The following DNMT3A variants were observed in gnomAD, a reference collection of about 807,000 sequenced individuals.
DNMT3A encodes the protein DNA methyltransferase 3 alpha.
A neutral mutation model predicts 117.6 loss-of-function variants in DNMT3A; 267 were observed. The observed-to-expected ratio is 2.27, with a 90% CI of 2.05 to 2.51. DNMT3A has a LOEUF of 2.51. Among genes scored for constraint, DNMT3A ranks in the 30% most tolerant of loss-of-function variants. The pLI is 0.00. For missense variants in DNMT3A, 1,029 were observed against 1,260.2 expected, an observed-to-expected ratio of 0.82 and a Z score of 2.78; for synonymous variants, 432 against 474.8, an observed-to-expected ratio of 0.91 and a Z score of 1.17.
chr2:25,307,211 T>C lies in DNMT3A; in HGVS notation c.72+6702A>G, dbSNP rs76252369. Among the ~76,000 whole-genome samples, 1,301 of 152,360 alleles carry C rather than the reference T, an allele frequency of 8.5e-3. 24 individuals are homozygous for C. The highest frequency in any genetic ancestry group is 0.03 in the African/African-American group (1,235 of 41,578). ...TACAAGGAATATCCCTAATGCCCTG[T>C]GGCTCTCTGCAGAGGCAGCTGCAGG... On this transcript the variant is annotated intron_variant, in intron 2 of 22. Transcript: ENST00000321117.
rs764270325 is a variant in DNMT3A, at chr2:25,244,340, T to A, written c.1668-2A>T. 1.3e-6 allele frequency: 2 copies of A among 1,599,834 alleles called. No individual in the cohort carries two copies. The highest frequency in any genetic ancestry group is 2.3e-5 in the East Asian group (1 of 44,118). On this transcript the variant is annotated splice_acceptor_variant, in intron 14 of 22. Transcript: ENST00000321117. LOFTEE classifies it high-confidence loss of function. The stretch of plus-strand genomic sequence containing the variant: ...TCCACACACTCCACGCAAAAGCACC[T>A]GGAAGGAGACCCAGTGAGCAGAGGA...
At chr2:25,263,698 T>C (rs1016557698) in intron 6 of DNMT3A, among the ~76,000 whole-genome samples, 1 of 152,110 alleles carries the variant, frequency 6.6e-6, no homozygotes, top group Non-Finnish European at 1.5e-5. Context: ...GTCAGCCCCA[T>C]AGACAGTGCT....
At chr2:25,277,328 C>T (rs1311119763) in intron 4 of DNMT3A, among the ~76,000 whole-genome samples, 1 of 152,210 alleles carries the variant, frequency 6.6e-6, no homozygotes, top group Middle Eastern at 3.2e-3. Flanking sequence ...CGGGGCCTCC[C>T]CGTTCCCAGG....
intron 2 of DNMT3A, among the ~76,000 whole-genome samples, chr2:25,310,421 G>A (rs528486010): frequency 4.7e-4 from 72 of 151,708 alleles, no homozygotes; most frequent in African/African-American, 1.7e-3. Context: ...AGCTCGGCCT[G>A]CCTCCTCCCC....
Position 25,231,469 on chromosome 2 carries a change from G to C in DNMT3A, c.*2810C>G, listed in dbSNP as rs1182282653. ...AGCACCCCAAAAAGGGGTGAGACCG[G>C]CCACCAGCTGTGTGAATTTACTCCT... is the stretch of plus-strand genomic sequence containing the variant. On this transcript the variant is annotated 3_prime_UTR_variant, in exon 23 of 23. Coordinates refer to ENST00000321117, the MANE Select transcript of DNMT3A (RefSeq NM_022552.5). 6.6e-6 allele frequency: 1 copy of C among 152,266 alleles called. No individual in the cohort carries two copies. Among genetic ancestry groups the C allele is most frequent in the Non-Finnish European group, 1.5e-5 (1 of 68,074 alleles). The allele number at this position is 152,266 out of a possible 1,614,324, so 9.4% of individuals were successfully genotyped here. A position where few individuals can be genotyped will look rare whatever the true frequency, so the allele number is the denominator to read the frequency against.
intron 1 of DNMT3A, among the ~76,000 whole-genome samples, chr2:25,319,907 T>C (rs2034530776): frequency 6.6e-6 from 1 of 152,070 alleles, no homozygotes; most frequent in African/African-American, 2.4e-5. Context: ...GTAGCTGGGA[T>C]TACAGGCACC....
At chr2:25,300,710 A>AT (rs2033412153) in intron 2 of DNMT3A, among the ~76,000 whole-genome samples, 4 of 44,284 alleles carry the variant, frequency 9.0e-5, no homozygotes, top group Admixed American at 3.0e-4. Flanking sequence ...TCTAAATAAT[A>AT]TAATATATAT....
At chr2:25,315,158 C>T (rs1369735844) in intron 1 of DNMT3A, among the ~76,000 whole-genome samples, 1 of 152,188 alleles carries the variant, frequency 6.6e-6, no homozygotes, top group Non-Finnish European at 1.5e-5. Flanking sequence ...GTTCCTGGTT[C>T]TGCTTCCCCA....
At chr2:25,253,986 C>T (rs1480206348) in intron 6 of DNMT3A, among the ~76,000 whole-genome samples, 2 of 151,636 alleles carry the variant, frequency 1.3e-5, no homozygotes, top group African/African-American at 2.4e-5. Context: ...GCAAGAGAAT[C>T]GCTTCAACTT....
In DNMT3A at chr2:25,274,923, G is replaced by A; in HGVS notation, c.639+18C>T. ...GTTCTGCAGGACGGGCTGGGGCCCAGGCCAGAAGGCGCCTCACCTCCCTTT... is the reference window on the plus strand; with the variant it reads ...GTTCTGCAGGACGGGCTGGGGCCCAAGCCAGAAGGCGCCTCACCTCCCTTT... On this transcript the variant is annotated intron_variant, in intron 6 of 22. Coordinates refer to ENST00000321117, the MANE Select transcript of DNMT3A (RefSeq NM_022552.5). 6.2e-7 allele frequency: 1 copy of A among 1,601,964 alleles called. No homozygotes were observed. Among genetic ancestry groups the A allele is most frequent in the Non-Finnish European group, 8.5e-7 (1 of 1,171,278 alleles).
chr2:25,277,477 T>C (rs1295413475), intron 4 of DNMT3A, among the ~76,000 whole-genome samples: 1 of 152,018 alleles, frequency 6.6e-6, no homozygotes, highest in African/African-American at 2.4e-5. Flanking sequence ...GCGGCGGGGC[T>C]CCGGGGCTCG....
In DNMT3A at chr2:25,337,431, A is replaced by G. The variant is rs1272492248; in HGVS notation, c.-178+4395T>C. 6.6e-6 allele frequency among the ~76,000 whole-genome samples: 1 copy of G among 152,176 alleles called. No individual in the cohort carries two copies. The highest frequency in any genetic ancestry group is 2.4e-5 in the African/African-American group (1 of 41,436). On this transcript the variant is annotated intron_variant, in intron 1 of 22. Transcript: ENST00000321117. The surrounding 1 kb of genome is among the most constrained non-coding windows in gnomAD (Gnocchi z 5.0). ...GCTGTAACGCACATGATCTCACTCC[A>G]TCCTCACAACCACCTGTAAGCAGAA...
At chr2:25,319,515 C>T (rs1354402629) in intron 1 of DNMT3A, among the ~76,000 whole-genome samples, 2 of 152,112 alleles carry the variant, frequency 1.3e-5, no homozygotes, top group African/African-American at 2.4e-5. Flanking sequence ...AGGAAGATGT[C>T]CTCTAATACG....
intron 6 of DNMT3A, among the ~76,000 whole-genome samples, chr2:25,249,053 A>C (rs1273367903): frequency 2.0e-5 from 3 of 152,134 alleles, no homozygotes; most frequent in African/African-American, 7.2e-5. Context: ...TCCAAATATT[A>C]ATCAGGCACT....
At position 25,246,008 on chromosome 2, in the gene DNMT3A, C is replaced by A. The variant is rs1480865455; in HGVS notation, c.1474+12G>T. On this transcript the variant is annotated intron_variant, in intron 12 of 22. Coordinates refer to ENST00000321117, the MANE Select transcript of DNMT3A (RefSeq NM_022552.5). ...CACTAGGAGTGCCAGAGTTCCCAGG[C>A]AACAAACTTACCCTCAATGTTCCGG... The A allele has an allele frequency of 1.2e-6, 2 of 1,613,770 alleles. No homozygotes were observed. Among genetic ancestry groups the A allele is most frequent in the African/African-American group, 2.7e-5 (2 of 74,948 alleles).
intron 2 of DNMT3A, among the ~76,000 whole-genome samples, chr2:25,308,950 A>G (rs900044600): frequency 2.7e-5 from 4 of 147,228 alleles, no homozygotes; most frequent in Non-Finnish European, 6.0e-5. Flanking sequence ...CGCAGCCCCA[A>G]TGCTGCCCAC....
chr2:25,285,003 C>T (rs1325981722), intron 3 of DNMT3A, among the ~76,000 whole-genome samples: 5 of 152,212 alleles, frequency 3.3e-5, no homozygotes, highest in African/African-American at 9.7e-5. Context: ...GTATGCATGC[C>T]GTTCCCTGAT....
intron 4 of DNMT3A, among the ~76,000 whole-genome samples, chr2:25,277,439 C>T (rs1033454696): frequency 5.3e-5 from 8 of 151,966 alleles, no homozygotes; most frequent in Admixed American, 2.6e-4. Context: ...GGCCTGGGGG[C>T]GGCCTGGCGG....
At chr2:25,241,992 C>T (rs1210699937) in intron 16 of DNMT3A, 3 of 440,182 alleles carry the variant, frequency 6.8e-6, no homozygotes, top group East Asian at 4.5e-5. Context: ...AGAATCACAG[C>T]TGACTTTTTG....
Sources: gnomAD v4.1 joint callset for allele counts (sites outside exome capture counted in the v4.1 genomes callset) on GRCh38, gnomAD v4.1.1 for gene constraint, Gnocchi (gnomAD v3.1) non-coding constraint, MANE v1.5 for transcripts, NCBI Gene and HGNC (gene_info 2026-07-23, HGNC 2026-07-21) for gene names.